The following MICAL2 variants were observed in gnomAD, a reference collection of about 807,000 sequenced individuals.
The protein encoded by MICAL2 is microtubule associated monooxygenase, calponin and LIM domain containing 2.
A neutral mutation model predicts 127.3 loss-of-function variants in MICAL2; 77 were observed. That is an observed-to-expected ratio of 0.60 (90% confidence interval 0.50 to 0.73). MICAL2 has a LOEUF of 0.73. Ranked by LOEUF, MICAL2 falls within the 30% of genes least tolerant of loss-of-function variation. MICAL2 has a pLI of 0.00. For synonymous variants in MICAL2, 570 were observed against 551.1 expected, an observed-to-expected ratio of 1.03 and a Z score of -0.48; for missense variants, 1,351 against 1,434.4, an observed-to-expected ratio of 0.94 and a Z score of 0.94.
At chr11:12,225,349 G>A (rs193210151) in intron 13 of MICAL2, among the ~76,000 whole-genome samples, 16 of 152,350 alleles carry the variant, frequency 1.1e-4, no homozygotes, top group African/African-American at 3.4e-4. Flanking sequence ...TGGTGCTAAA[G>A]CATGGTGCAT....
At chr11:12,307,498 C>G (rs1181472966) in intron 29 of MICAL2, among the ~76,000 whole-genome samples, 1 of 152,138 alleles carries the variant, frequency 6.6e-6, no homozygotes, top group African/African-American at 2.4e-5. Context: ...TTGCTAAACT[C>G]GAAGTCACTA....
intron 30 of MICAL2, among the ~76,000 whole-genome samples, chr11:12,320,397 CACAA>C (rs948466258): frequency 2.0e-5 from 3 of 152,122 alleles, no homozygotes; most frequent in Admixed American, 6.6e-5. Context: ...ATTAAAAAAA[CACAA>C]ACATTTTATA....
chr11:12,265,245 G>A (rs188700796), downstream of MICAL2, among the ~76,000 whole-genome samples: 15 of 152,312 alleles, frequency 9.8e-5, no homozygotes, highest in East Asian at 2.9e-3. Flanking sequence ...AAAGTCAGCT[G>A]TCCCATACTT....
intron 3 of MICAL2, among the ~76,000 whole-genome samples, chr11:12,171,728 G>A (rs1385703885): frequency 1.3e-5 from 2 of 152,214 alleles, no homozygotes; most frequent in African/African-American, 2.4e-5. Flanking sequence ...TGAGGAGAGA[G>A]GCAGTGGCTG....
At chr11:12,354,445 C>G (rs1939099252) in intron 33 of MICAL2, among the ~76,000 whole-genome samples, 1 of 149,876 alleles carries the variant, frequency 6.7e-6, no homozygotes, top group Non-Finnish European at 1.5e-5. Context: ...GCAGTCCAGC[C>G]TGGGTGACAA....
chr11:12,317,658 G>A (rs1864246059), intron 29 of MICAL2, among the ~76,000 whole-genome samples: 6 of 152,150 alleles, frequency 3.9e-5, no homozygotes, highest in Admixed American at 3.9e-4. Flanking sequence ...AGGGCATGTT[G>A]GTGGGCACCT....
chr11:12,334,274 T>G (rs574759653), intron 32 of MICAL2, among the ~76,000 whole-genome samples: 2 of 152,296 alleles, frequency 1.3e-5, no homozygotes, highest in East Asian at 3.9e-4. Flanking sequence ...GCACGTCCTC[T>G]TGCATACTTG....
At chr11:12,167,381 G>A (rs1202783811) in intron 3 of MICAL2, among the ~76,000 whole-genome samples, 2 of 152,106 alleles carry the variant, frequency 1.3e-5, no homozygotes, top group South Asian at 2.1e-4. Context: ...CCCAGGCCCC[G>A]GTTTGTGCTC....
chr11:12,234,160 C>T (rs540495116), intron 15 of MICAL2, among the ~76,000 whole-genome samples: 1 of 152,314 alleles, frequency 6.6e-6, no homozygotes, highest in Admixed American at 6.5e-5. Context: ...GAATGCCCTT[C>T]ATAAGCCCAT....
chr11:12,222,429 C>T (rs915624695), intron 10 of MICAL2, among the ~76,000 whole-genome samples, 188 bp from the exon 11 acceptor site: 5 of 152,222 alleles, frequency 3.3e-5, no homozygotes, highest in East Asian at 1.9e-4. Context: ...CCTTTCCTCT[C>T]GGCCCCTTTG....
chr11:12,193,633 T>A (rs751160909), intron 3 of MICAL2, among the ~76,000 whole-genome samples: 1 of 152,158 alleles, frequency 6.6e-6, no homozygotes, highest in Non-Finnish European at 1.5e-5. Context: ...GAGAGGGCAA[T>A]GCAGGAGTCA....
chr11:12,336,803 T>C (rs374499903), intron 32 of MICAL2, among the ~76,000 whole-genome samples: 274 of 152,270 alleles, frequency 1.8e-3, no homozygotes, highest in African/African-American at 6.3e-3. Context: ...GGGATGAAGC[T>C]GACTTGATCA....
chr11:12,319,359 A>AT (rs145248744), intron 29 of MICAL2, among the ~76,000 whole-genome samples: 5,421 of 152,126 alleles, frequency 0.036, 188 homozygotes, highest in Admixed American at 0.1. Context: ...TTAATAATAG[A>AT]TTTTATCTCT....
chr11:12,355,779 G>A (rs761616964), intron 34 of MICAL2, among the ~76,000 whole-genome samples: 3 of 152,172 alleles, frequency 2.0e-5, no homozygotes, highest in Non-Finnish European at 2.9e-5. Flanking sequence ...TCACAGATCA[G>A]GGTCTCCTGT....
At chr11:12,231,501 C>T (rs777262070) in intron 15 of MICAL2, among the ~76,000 whole-genome samples, 8 of 152,224 alleles carry the variant, frequency 5.3e-5, no homozygotes, top group African/African-American at 9.7e-5. Context: ...GGTGGCATTA[C>T]GTGCGAAGGT....
In MICAL2 at chr11:12,249,215, A is replaced by G; in HGVS notation, c.2816A>G (p.His939Arg). Residue 939 changes from histidine to arginine, a missense_variant, in exon 22 of 28, where the codon CAT (histidine) becomes CGT (arginine). This residue lies in a region of MICAL2 where 752 missense variants were observed against 719.4 expected (regional missense o/e 1.05). Transcript: ENST00000683283. ...AAGTCACCTTCAGGGTTCCATTTTC[A>G]TCCCAGCCATTTGAGAACAGTGCAT... The part of the protein sequence containing the change: ...EKKSPSGFHF[H>R]PSHLRTVHPQ... 6.2e-7 allele frequency: 1 copy of G among 1,611,840 alleles called. No homozygotes were observed.
intron 3 of MICAL2, among the ~76,000 whole-genome samples, chr11:12,173,775 G>A (rs993382150): frequency 6.6e-6 from 1 of 152,110 alleles, no homozygotes; most frequent in African/African-American, 2.4e-5. Context: ...TTTCATGTAA[G>A]TGGAATCATA....
chr11:12,221,899 T>G, intron 10 of MICAL2, 140 bp downstream of exon 10: 1 of 604,696 alleles, frequency 1.7e-6, no homozygotes, highest in Admixed American at 3.1e-5. Flanking sequence ...GTGGCCTGAT[T>G]TGATCATCAG....
At chr11:12,267,689 C>G (rs1475541656), downstream of MICAL2, among the ~76,000 whole-genome samples, 2 of 152,202 alleles carry the variant, frequency 1.3e-5, no homozygotes, top group Non-Finnish European at 2.9e-5. Context: ...GCAAACTTCA[C>G]CTCCTGGATT....
Sources: allele counts gnomAD v4.1 joint callset (sites outside exome capture counted in the v4.1 genomes callset), GRCh38; gene constraint gnomAD v4.1.1; regional missense constraint gnomAD v4.1.1; transcripts MANE v1.5; gene names NCBI Gene and HGNC (gene_info 2026-07-23, HGNC 2026-07-21).